TENT4B: variants seen among roughly 807,000 people sequenced by gnomAD.
TENT4B encodes the protein terminal nucleotidyltransferase 4B.
TENT4B carries 10 observed loss-of-function variants against 75.0 expected under a neutral mutation model. The ratio of observed to expected loss-of-function variants is 0.13; its 90% confidence interval spans 0.08 to 0.23. The LOEUF is 0.23. Ranked by LOEUF, TENT4B falls within the 10% of genes least tolerant of loss-of-function variation. The pLI is 1.00. For synonymous variants in TENT4B, 350 were observed against 357.7 expected (o/e 0.98, Z 0.24); for missense variants, 579 against 893.8 (o/e 0.65, Z 4.49).
intron 1 of TENT4B, among the ~76,000 whole-genome samples, chr16:50,195,170 C>G (rs149934465): frequency 6.6e-6 from 1 of 152,130 alleles, no homozygotes; most frequent in African/African-American, 2.4e-5. Context: ...TAAATTCTGC[C>G]TAGTTTGATT....
At chr16:50,225,329 C>T (rs771628888) in intron 10 of TENT4B, 44 bp downstream of exon 10, 50 of 1,540,954 alleles carry the variant, frequency 3.2e-5, no homozygotes, top group Admixed American at 3.8e-5. Context: ...GATGCATGCA[C>T]GTTCTCTTGC....
At position 50,229,173 on chromosome 16, in the gene TENT4B, C is replaced by A. The variant is rs574661923; in HGVS notation, c.1987C>A (p.Arg663Ser). ...KSQHGSARLF[R>S]SSSKGFQGTT... is the part of the protein sequence containing the mutation. ...GCAGCATGGATCAGCAAGGCTCTTTCGTTCTTCCAGCAAAGGCTTCCAAGG... is the reference window on the plus strand; with the variant it reads ...GCAGCATGGATCAGCAAGGCTCTTTAGTTCTTCCAGCAAAGGCTTCCAAGG... Residue 663 changes from arginine (R) to serine (S), a missense_variant, in exon 12 of 12, where the codon CGT becomes AGT. Arg to Ser is a moderately radical substitution (Grantham distance 110). This residue lies in a region of TENT4B where 164 missense variants were observed against 226.5 expected (regional missense o/e 0.72). Transcript: ENST00000561678. The A allele has an allele frequency of 1.2e-6, 2 of 1,612,898 alleles. No individual in the cohort carries two copies. Among genetic ancestry groups the A allele is most frequent in the Non-Finnish European group, 1.7e-6 (2 of 1,179,420 alleles).
At chr16:50,157,901 G>T (rs2037931291) in intron 1 of TENT4B, among the ~76,000 whole-genome samples, 1 of 152,152 alleles carries the variant, frequency 6.6e-6, no homozygotes, top group Non-Finnish European at 1.5e-5. Flanking sequence ...GAGTAGTTGG[G>T]ACTACAGGCG....
At chr16:50,220,025 G>C (rs2031752861) in intron 5 of TENT4B, among the ~76,000 whole-genome samples, 1 of 147,944 alleles carries the variant, frequency 6.8e-6, no homozygotes, top group African/African-American at 2.5e-5. Flanking sequence ...GTCTCACTCT[G>C]TTGCCCAGGC....
chr16:50,229,166 G>A lies in TENT4B; in HGVS notation c.1980G>A (p.Arg660=). The change falls in exon 12 of 12, where the codon AGG becomes AGA. Residue 660 remains arginine (R), a synonymous_variant. Coordinates refer to ENST00000561678, the MANE Select transcript of TENT4B (RefSeq NM_001365324.3). ...TGTTTCTGCAGCATGGATCAGCAAG[G>A]CTCTTTCGTTCTTCCAGCAAAGGCT... is the stretch of plus-strand genomic sequence containing the variant. ...STNKSQHGSA[R]LFRSSSKGFQ... The A allele has an allele frequency of 6.2e-6, 10 of 1,613,590 alleles. No individual in the cohort carries two copies. Among genetic ancestry groups the A allele is most frequent in the Non-Finnish European group, 8.5e-6 (10 of 1,179,724 alleles).
intron 1 of TENT4B, among the ~76,000 whole-genome samples, chr16:50,184,411 G>C (rs2038483805): frequency 6.6e-6 from 1 of 152,260 alleles, no homozygotes; most frequent in South Asian, 2.1e-4. Flanking sequence ...GCTCACGCCT[G>C]TAATCCCAGC....
Position 50,233,310 on chromosome 16 carries a change from G to T in TENT4B, c.*3982G>T. On this transcript the variant is annotated 3_prime_UTR_variant, in exon 12 of 12. Transcript: ENST00000561678. ...CAAGACTCTAGCTACCTGCCATCTT[G>T]TCAAAACATTTGTGGGTAGAATAAG... 2.0e-6 allele frequency: 2 copies of T among 985,330 alleles called. No homozygotes were observed. Among genetic ancestry groups the T allele is most frequent in the Non-Finnish European group, 2.4e-6 (2 of 829,910 alleles). The allele number at this position is 985,330 out of a possible 1,614,324, so 61.0% of individuals were successfully genotyped here.
intron 1 of TENT4B, among the ~76,000 whole-genome samples, chr16:50,211,068 T>TATG (rs1399035160): frequency 6.6e-6 from 1 of 152,214 alleles, no homozygotes; most frequent in African/African-American, 2.4e-5. Context: ...GGCCAGCCCG[T>TATG]ATGCTTGTTT....
At chr16:50,210,105 G>A (rs1442407261) in intron 1 of TENT4B, among the ~76,000 whole-genome samples, 1 of 152,088 alleles carries the variant, frequency 6.6e-6, no homozygotes, top group Admixed American at 6.6e-5. Flanking sequence ...GTTGCTCCGA[G>A]CCTTCTGGTC....
chr16:50,222,250 T>C, intron 5 of TENT4B, 56 bp from the exon 6 acceptor site: 1 of 1,486,092 alleles, frequency 6.7e-7, no homozygotes, highest in South Asian at 1.3e-5. Context: ...CCCCTCTTAA[T>C]GCTTAGATCT....
Position 50,199,739 on chromosome 16 carries a change from T to C in TENT4B, c.639-11584T>C, listed in dbSNP as rs545135288. 2.6e-5 allele frequency among the ~76,000 whole-genome samples: 4 copies of C among 152,358 alleles called. No individual in the cohort carries two copies. In the South Asian group the frequency reaches 8.3e-4, roughly 32 times the overall value. On this transcript the variant is annotated intron_variant, in intron 1 of 11. Transcript: ENST00000561678. Reference sequence around the variant, plus strand: ...TAGTCCTGAATAATATTCCATTCTATGGATATACCACAATTGATCCATTCA... The same window carrying C: ...TAGTCCTGAATAATATTCCATTCTACGGATATACCACAATTGATCCATTCA...
At chr16:50,206,655 G>A (rs781558079) in intron 1 of TENT4B, among the ~76,000 whole-genome samples, 9 of 152,052 alleles carry the variant, frequency 5.9e-5, no homozygotes, top group Non-Finnish European at 1.0e-4. Context: ...GGGGCTGGCC[G>A]TGGGTCATCT....
At chr16:50,186,428 T>C (rs1004463254) in intron 1 of TENT4B, among the ~76,000 whole-genome samples, 1 of 152,206 alleles carries the variant, frequency 6.6e-6, no homozygotes, top group Non-Finnish European at 1.5e-5. Flanking sequence ...TTAATGTTTT[T>C]AGAGATAGTT....
At chr16:50,191,755 A>G (rs1348681626) in intron 1 of TENT4B, among the ~76,000 whole-genome samples, 1 of 151,456 alleles carries the variant, frequency 6.6e-6, no homozygotes, top group East Asian at 2.0e-4. Flanking sequence ...CCCTGTCTCT[A>G]CTAAAAATAC....
Position 50,216,303 on chromosome 16 carries a change from T to C in TENT4B, c.930+108T>C, listed in dbSNP as rs1206834406. ...GTTGCATTGCAAGTGAGTGATTCTT[T>C]CATTTTGTTAATGTCACCGTGCTTG... On this transcript the variant is annotated intron_variant, in intron 4 of 11. Transcript: ENST00000561678. 12 of 1,386,070 alleles carry C rather than the reference T, an allele frequency of 8.7e-6. No individual in the cohort carries two copies. In the East Asian group the frequency reaches 3.0e-4, roughly 35 times the overall value. The allele number at this position is 1,386,070 out of a possible 1,614,324, so 85.9% of individuals were successfully genotyped here. A position where few individuals can be genotyped will look rare whatever the true frequency, so the allele number is the denominator to read the frequency against.
chr16:50,205,847 T>A (rs2030935208), intron 1 of TENT4B, among the ~76,000 whole-genome samples: 1 of 152,130 alleles, frequency 6.6e-6, no homozygotes, highest in Non-Finnish European at 1.5e-5. Context: ...CGCCTCAGCC[T>A]CCCAAAGTGC....
chr16:50,216,002 T>C, intron 3 of TENT4B, 73 bp from the exon 4 acceptor site: 1 of 1,581,136 alleles, frequency 6.3e-7, no homozygotes, highest in African/African-American at 1.4e-5. Context: ...TAATGAAGTC[T>C]ATAAGCATGA....
At chr16:50,197,971 G>GT (rs1567498902) in intron 1 of TENT4B, among the ~76,000 whole-genome samples, 1 of 152,104 alleles carries the variant, frequency 6.6e-6, no homozygotes, top group African/African-American at 2.4e-5. Context: ...CATTAAATCC[G>GT]TAACAAGACA....
chr16:50,175,876 A>G (rs939378124), intron 1 of TENT4B, among the ~76,000 whole-genome samples: 33 of 151,726 alleles, frequency 2.2e-4, no homozygotes, highest in African/African-American at 8.0e-4. Context: ...TTGACCTCCT[A>G]GGGTCAAGTT....
Sources: gnomAD v4.1 joint callset for allele counts (sites outside exome capture counted in the v4.1 genomes callset) on GRCh38, gnomAD v4.1.1 for gene constraint, gnomAD v4.1.1 regional missense constraint, MANE v1.5 for transcripts, NCBI Gene and HGNC (gene_info 2026-07-23, HGNC 2026-07-21) for gene names.